Variants in CENPP observed in about 807,000 individuals in gnomAD.
CENPP encodes the protein centromere protein P.
Under a neutral mutation model 35.6 loss-of-function variants are expected in CENPP, and 24 were observed. The ratio of observed to expected loss-of-function variants is 0.67; its 90% CI spans 0.49 to 0.95. The LOEUF (loss-of-function observed/expected upper bound fraction) is 0.95, where lower values mean the gene tolerates loss of function less well. CENPP is among the 40% of genes least tolerant of loss of function. The probability of loss-of-function intolerance (pLI) is 0.00; values close to 1 mark genes in which losing one functional copy is unlikely to be tolerated. For missense variants in CENPP, 332 were observed against 345.3 expected, an observed-to-expected ratio of 0.96 and a Z score of 0.31; for synonymous variants, 120 against 125.5, an observed-to-expected ratio of 0.96 and a Z score of 0.29.
At chr9:92,479,509 G>T (rs1308331782) in intron 5 of CENPP, among the ~76,000 whole-genome samples, 1 of 152,122 alleles carries the variant, frequency 6.6e-6, no homozygotes, top group African/African-American at 2.4e-5. Context: ...AGTTCCTCCT[G>T]GTGGTGAAGG....
intron 5 of CENPP, chr9:92,466,445 A>T (rs778643481): frequency 6.2e-7 from 1 of 1,609,762 alleles, no homozygotes; most frequent in Non-Finnish European, 8.5e-7. Context: ...TCTGCTAATG[A>T]TTTGGGAAGA....
At chr9:92,561,234 C>T (rs892323850) in intron 5 of CENPP, among the ~76,000 whole-genome samples, 14 of 152,320 alleles carry the variant, frequency 9.2e-5, no homozygotes, top group African/African-American at 3.1e-4. Context: ...TTCTCCCAAG[C>T]ACTGCCTCAG....
At chr9:92,450,202 G>A (rs765323960) in intron 5 of CENPP, among the ~76,000 whole-genome samples, 6 of 151,126 alleles carry the variant, frequency 4.0e-5, no homozygotes, top group East Asian at 2.0e-4. Context: ...CCATTAACTC[G>A]TCATTTAGCA....
rs1478698907 is a variant in CENPP at position 92,340,406 on chromosome 9, CTT to C, written c.378+2779_378+2780del. On this transcript the variant is annotated intron_variant, in intron 3 of 7. Transcript: ENST00000375587. ...TCCAACATAGACTACAATATCTTCA[CTT>C]TATTTAAGTTGCATACTTCAGTCAC... 4 of 152,272 alleles carry C rather than the reference CTT, an allele frequency of 2.6e-5. No homozygotes were observed. The South Asian group carries it at 8.3e-4, about 32-fold the overall frequency. 9.4% of individuals were successfully genotyped at this position (152,272 alleles called of 1,614,324 possible).
intron 5 of CENPP, among the ~76,000 whole-genome samples, chr9:92,459,462 C>A (rs1421337920): frequency 2.0e-5 from 3 of 152,220 alleles, no homozygotes; most frequent in Non-Finnish European, 4.4e-5. Context: ...ATGTAGAAAC[C>A]ATTCTCCTAA....
At chr9:92,480,272 A>G (rs779388064) in intron 5 of CENPP, among the ~76,000 whole-genome samples, 3 of 152,170 alleles carry the variant, frequency 2.0e-5, no homozygotes, top group Non-Finnish European at 4.4e-5. Context: ...GCTATTACTA[A>G]TAAATCATAG....
At chr9:92,596,969 C>CA (rs1050308065) in intron 5 of CENPP, among the ~76,000 whole-genome samples, 16 of 152,138 alleles carry the variant, frequency 1.1e-4, no homozygotes, top group African/African-American at 3.4e-4. Flanking sequence ...TGTTTCCCAA[C>CA]AAAAATGTTT....
intron 5 of CENPP, among the ~76,000 whole-genome samples, chr9:92,469,796 C>T (rs1845442497): frequency 6.6e-6 from 1 of 152,132 alleles, no homozygotes; most frequent in African/African-American, 2.4e-5. Context: ...ATGAGGTGCT[C>T]CTCCAAACCC....
At chr9:92,456,927 AG>A in intron 5 of CENPP, 1 of 1,015,562 alleles carries the variant, frequency 9.8e-7, no homozygotes, top group Non-Finnish European at 1.2e-6. Context: ...AATTTTGCTA[AG>A]TCAAGCATTC....
At chr9:92,510,890 C>G (rs1011143444) in intron 5 of CENPP, among the ~76,000 whole-genome samples, 27 of 152,048 alleles carry the variant, frequency 1.8e-4, no homozygotes, top group African/African-American at 6.3e-4. Flanking sequence ...AATGTAGAAC[C>G]CTTTTATCTG....
chr9:92,400,721 G>A (rs1028672231), intron 5 of CENPP, among the ~76,000 whole-genome samples: 13 of 152,186 alleles, frequency 8.5e-5, no homozygotes, highest in Non-Finnish European at 1.5e-4. Flanking sequence ...ATGTATATGT[G>A]TGTTTCTGTT....
At chr9:92,358,292 G>A (rs1841647225) in intron 4 of CENPP, among the ~76,000 whole-genome samples, 1 of 151,582 alleles carries the variant, frequency 6.6e-6, no homozygotes, top group Non-Finnish European at 1.5e-5. Flanking sequence ...ACCCAGGCTA[G>A]AGTACAGTGG....
At chr9:92,606,973 C>CAAT (rs1320040342) in intron 5 of CENPP, among the ~76,000 whole-genome samples, 1 of 151,894 alleles carries the variant, frequency 6.6e-6, no homozygotes, top group East Asian at 1.9e-4. Context: ...AAAATAATAA[C>CAAT]AATAATAATA....
At chr9:92,465,124 A>C (rs1156999367) in intron 5 of CENPP, 1 of 838,404 alleles carries the variant, frequency 1.2e-6, no homozygotes, top group Non-Finnish European at 2.0e-6. Flanking sequence ...GAATATCCCA[A>C]GAAGCGTGAG....
rs370792237 is a variant in CENPP, at chr9:92,509,877, T to C, written c.565-101437T>C. 41 of 1,592,374 alleles carry C rather than the reference T, an allele frequency of 2.6e-5. No individual in the cohort carries two copies. In the African/African-American group the frequency reaches 4.1e-4, roughly 16 times the overall value. ...GGAAAGATTATAAGGAAGCATATCA[T>C]TGAAAAACAAATATTAAATACCTGA... On this transcript the variant is annotated intron_variant, in intron 5 of 7. Transcript: ENST00000375587.
At chr9:92,386,394 TACAG>T in intron 5 of CENPP, 1 of 731,512 alleles carries the variant, frequency 1.4e-6, no homozygotes, top group Non-Finnish European at 2.4e-6. Flanking sequence ...TGTCTATATA[TACAG>T]ACTTGCATAT....
At chr9:92,450,976 A>G (rs1844691587) in intron 5 of CENPP, among the ~76,000 whole-genome samples, 1 of 151,764 alleles carries the variant, frequency 6.6e-6, no homozygotes, top group Admixed American at 6.6e-5. Context: ...GTTTGAGTTC[A>G]TTGTAGATTC....
chr9:92,364,234 T>G (rs1440541680), intron 4 of CENPP, among the ~76,000 whole-genome samples: 8 of 152,036 alleles, frequency 5.3e-5, no homozygotes, highest in African/African-American at 1.9e-4. Flanking sequence ...GGTCTCACTA[T>G]GTGACCCAGG....
At chr9:92,592,084 TAG>T (rs1170555409) in intron 5 of CENPP, among the ~76,000 whole-genome samples, 1 of 151,918 alleles carries the variant, frequency 6.6e-6, no homozygotes, top group Non-Finnish European at 1.5e-5. Context: ...AGAGCATATA[TAG>T]ACACATATAC....
Sources: allele counts gnomAD v4.1 joint callset (sites outside exome capture counted in the v4.1 genomes callset), GRCh38; gene constraint gnomAD v4.1.1; transcripts MANE v1.5; gene names NCBI Gene and HGNC (gene_info 2026-07-23, HGNC 2026-07-21).